The following TACR1 variants were observed in gnomAD, a reference collection of about 807,000 sequenced individuals.
TACR1 encodes tachykinin receptor 1, also known as substance-P receptor.
TACR1 carries 25 observed loss-of-function variants against 35.8 expected under a neutral mutation model. The observed-to-expected ratio is 0.70, with a 90% CI of 0.51 to 0.98. The LOEUF (loss-of-function observed/expected upper bound fraction) is 0.98, where lower values mean the gene tolerates loss of function less well. TACR1 is among the 50% of genes least tolerant of loss of function. The pLI, the probability that TACR1 is intolerant of heterozygous loss-of-function variation, is 0.00. For synonymous variants in TACR1, 195 were observed against 206.7 expected, an observed-to-expected ratio of 0.94 and a Z score of 0.48; for missense variants, 478 against 522.9, an observed-to-expected ratio of 0.91 and a Z score of 0.84.
At chr2:75,188,809 G>A (rs890045775) in intron 1 of TACR1, 4 of 152,204 alleles carry the variant, frequency 2.6e-5, no homozygotes, top group Non-Finnish European at 5.9e-5. Context: ...AAGCTGCTCT[G>A]TAGACCTTCT....
intron 1 of TACR1, among the ~76,000 whole-genome samples, chr2:75,148,572 G>GT (rs1674599071): frequency 6.6e-6 from 1 of 152,042 alleles, no homozygotes; most frequent in African/African-American, 2.4e-5. Flanking sequence ...GGAGTTGCTT[G>GT]TTTTTTTCTT....
At chr2:75,150,778 C>G (rs917948883) in intron 1 of TACR1, among the ~76,000 whole-genome samples, 2 of 152,140 alleles carry the variant, frequency 1.3e-5, no homozygotes, top group South Asian at 2.1e-4. Flanking sequence ...TGGGAGGGCT[C>G]AGAAGAAGAC....
At chr2:75,055,555 A>G (rs1167540220) in intron 2 of TACR1, among the ~76,000 whole-genome samples, 1 of 152,126 alleles carries the variant, frequency 6.6e-6, no homozygotes, top group East Asian at 1.9e-4. Context: ...AGAACTTGAA[A>G]ACCTCCAAAT....
At chr2:75,141,067 T>G (rs536106604) in intron 1 of TACR1, among the ~76,000 whole-genome samples, 1 of 152,308 alleles carries the variant, frequency 6.6e-6, no homozygotes, top group African/African-American at 2.4e-5. Context: ...TCTTAAGAAC[T>G]GGGTATTTAG....
At chr2:75,068,520 C>T (rs548354335) in intron 2 of TACR1, among the ~76,000 whole-genome samples, 6 of 152,144 alleles carry the variant, frequency 3.9e-5, no homozygotes, top group Non-Finnish European at 8.8e-5. Context: ...ATTCTAGTAA[C>T]AATAATAATA....
chr2:75,078,182 C>T (rs371618250), intron 2 of TACR1, among the ~76,000 whole-genome samples: 3 of 152,218 alleles, frequency 2.0e-5, no homozygotes, highest in South Asian at 2.1e-4. Context: ...TGAAGTGTGA[C>T]GATTTTGACT....
chr2:75,146,892 T>A (rs965687303), intron 1 of TACR1, among the ~76,000 whole-genome samples: 2 of 152,214 alleles, frequency 1.3e-5, no homozygotes, highest in Non-Finnish European at 2.9e-5. Flanking sequence ...ACTGAAATAA[T>A]GGCCTTGAAC....
chr2:75,161,563 A>C lies in TACR1; in HGVS notation c.389+36983T>G, dbSNP rs77870944. 9.9e-3 allele frequency among the ~76,000 whole-genome samples: 1,504 copies of C among 152,230 alleles called. 24 individuals carry two copies. Among genetic ancestry groups the C allele is most frequent in the African/African-American group, 0.035 (1,443 of 41,556 alleles). On this transcript the variant is annotated intron_variant, in intron 1 of 4. Coordinates refer to ENST00000305249, the MANE Select transcript of TACR1 (RefSeq NM_001058.4). ...TATTTTTAATGTAAACTACCAGGAA[A>C]ATAACAACAGAATGCGCAACTTTCA...
At chr2:75,164,302 G>T (rs1675084800) in intron 1 of TACR1, among the ~76,000 whole-genome samples, 1 of 149,766 alleles carries the variant, frequency 6.7e-6, no homozygotes, top group South Asian at 2.1e-4. Flanking sequence ...ACTTCAGCCT[G>T]GGTGACAGAG....
intron 2 of TACR1, among the ~76,000 whole-genome samples, chr2:75,084,270 A>C (rs979084050): frequency 2.6e-5 from 4 of 152,230 alleles, no homozygotes; most frequent in Non-Finnish European, 4.4e-5. Context: ...CATCCCAGGG[A>C]TGAAGCCCAC....
chr2:75,145,859 A>T (rs1674498492), intron 1 of TACR1, among the ~76,000 whole-genome samples: 1 of 152,180 alleles, frequency 6.6e-6, no homozygotes, highest in Non-Finnish European at 1.5e-5. Flanking sequence ...CAGAAAGTAG[A>T]TGGGATATAT....
At chr2:75,161,901 T>C (rs1675018602) in intron 1 of TACR1, among the ~76,000 whole-genome samples, 1 of 152,092 alleles carries the variant, frequency 6.6e-6, no homozygotes, top group South Asian at 2.1e-4. Context: ...TCTCATCAGT[T>C]CTGTGGAGAG....
At chr2:75,132,509 G>C (rs1053120573) in intron 1 of TACR1, among the ~76,000 whole-genome samples, 1 of 151,912 alleles carries the variant, frequency 6.6e-6, no homozygotes, top group Non-Finnish European at 1.5e-5. Context: ...TCCTCATATT[G>C]TCAGACTTCT....
In TACR1 at chr2:75,096,351, A is replaced by G. The variant is rs555642282; in HGVS notation, c.584+24223T>C. Among the ~76,000 whole-genome samples the G allele has an allele frequency of 2.4e-3, 367 of 152,304 alleles. 3 individuals carry two copies. The highest frequency in any genetic ancestry group is 8.5e-3 in the African/African-American group (353 of 41,572). On this transcript the variant is annotated intron_variant, in intron 2 of 4. Coordinates refer to ENST00000305249, the MANE Select transcript of TACR1 (RefSeq NM_001058.4). ...CAGTGGAGGCTCCTTAGAACTCCCC[A>G]TGCAACTCAGAGTCCAGTTTGAAAA...
intron 1 of TACR1, among the ~76,000 whole-genome samples, chr2:75,180,775 C>T (rs1675541962): frequency 6.6e-6 from 1 of 152,148 alleles, no homozygotes; most frequent in African/African-American, 2.4e-5. Context: ...ACTAAATGCT[C>T]CAAACTAATG....
At chr2:75,122,108 G>C (rs1040222266) in intron 1 of TACR1, among the ~76,000 whole-genome samples, 1 of 152,162 alleles carries the variant, frequency 6.6e-6, no homozygotes, top group African/African-American at 2.4e-5. Context: ...AGGGAGAAAA[G>C]GTGCATCAAT....
chr2:75,076,363 C>G (rs1285973525), intron 2 of TACR1, among the ~76,000 whole-genome samples: 1 of 152,238 alleles, frequency 6.6e-6, no homozygotes, highest in Non-Finnish European at 1.5e-5. Flanking sequence ...TGATTGCAGG[C>G]AGCTTTGCAC....
intron 2 of TACR1, among the ~76,000 whole-genome samples, chr2:75,096,776 T>C (rs534006628): frequency 3.2e-4 from 49 of 152,306 alleles, no homozygotes; most frequent in African/African-American, 8.2e-4. Context: ...CTGAGAATAT[T>C]GAGAGCTTCC....
chr2:75,133,184 T>G (rs1674211462), intron 1 of TACR1, among the ~76,000 whole-genome samples: 1 of 152,212 alleles, frequency 6.6e-6, no homozygotes, highest in Non-Finnish European at 1.5e-5. Flanking sequence ...AAATTTTGAC[T>G]TGAGCATTTT....
Sources: allele counts gnomAD v4.1 joint callset (sites outside exome capture counted in the v4.1 genomes callset), GRCh38; gene constraint gnomAD v4.1.1; transcripts MANE v1.5; gene names NCBI Gene and HGNC (gene_info 2026-07-23, HGNC 2026-07-21).